ERICH3: variants seen among roughly 807,000 people sequenced by gnomAD.
ERICH3 encodes the protein glutamate-rich protein 3.
In ERICH3, 126 loss-of-function variants were observed where a neutral mutation model predicts 131.1. The observed-to-expected ratio is 0.96, with a 90% confidence interval of 0.83 to 1.11. The LOEUF (loss-of-function observed/expected upper bound fraction) is 1.11. ERICH3 is among the 50% of genes most tolerant of loss of function. ERICH3 has a pLI of 0.00. For missense variants in ERICH3, 2,050 were observed against 1,810.7 expected (o/e 1.13, Z -2.40); for synonymous variants, 695 against 644.6 (o/e 1.08, Z -1.18).
intron 13 of ERICH3, among the ~76,000 whole-genome samples, chr1:74,576,666 G>A (rs1394772188): frequency 6.6e-6 from 1 of 152,120 alleles, no homozygotes; most frequent in Non-Finnish European, 1.5e-5. Context: ...AGTGCTTGAT[G>A]ACAATTACTA....
intron 1 of ERICH3, among the ~76,000 whole-genome samples, chr1:74,668,812 T>C (rs1382682769): frequency 6.6e-6 from 1 of 152,172 alleles, no homozygotes; most frequent in Non-Finnish European, 1.5e-5. Flanking sequence ...TTTGTTAATA[T>C]TTAACAGGAG....
At chr1:74,618,853 G>A (rs930109087) in intron 8 of ERICH3, among the ~76,000 whole-genome samples, 6 of 152,182 alleles carry the variant, frequency 3.9e-5, no homozygotes, top group African/African-American at 9.7e-5. Context: ...CAAGCACAAT[G>A]TTAAATGCTC....
chr1:74,594,267 A>T (rs1203845517), intron 11 of ERICH3, among the ~76,000 whole-genome samples: 1 of 142,676 alleles, frequency 7.0e-6, no homozygotes, highest in Non-Finnish European at 1.5e-5. Flanking sequence ...ACTCACAAAA[A>T]TGGGGCGTGT....
chr1:74,589,772 C>T lies in ERICH3; in HGVS notation c.2035G>A (p.Glu679Lys). The change falls in exon 12 of 15, where the codon GAG (glutamate) becomes AAG (lysine). Residue 679 changes from glutamate (E) to lysine (K), a missense_variant. Transcript: ENST00000326665. ...LKEGTEKGTQ[E>K]IAEGLSEKSG... ...TTCTCAGATAAACCCTCTGCAATCT[C>T]TTGGGTTCCTTTCTCCGTTCCTTCT... The T allele has an allele frequency of 1.9e-6, 3 of 1,614,128 alleles. No individual in the cohort carries two copies. The highest frequency in any genetic ancestry group is 2.2e-5 in the East Asian group (1 of 44,880).
chr1:74,631,173 C>T (rs1399712299), intron 7 of ERICH3, among the ~76,000 whole-genome samples: 4 of 151,942 alleles, frequency 2.6e-5, no homozygotes, highest in South Asian at 2.1e-4. Context: ...AGATATTTTG[C>T]CTTCTTACTA....
At chr1:74,584,069 T>G (rs1485614936) in intron 12 of ERICH3, among the ~76,000 whole-genome samples, 2 of 152,168 alleles carry the variant, frequency 1.3e-5, no homozygotes, top group Non-Finnish European at 2.9e-5. Context: ...CTTTCATCAT[T>G]CTTTGTGTAG....
In ERICH3 at chr1:74,571,801, A is replaced by T; in HGVS notation, c.3909T>A (p.Thr1303=). 6.2e-7 allele frequency: 1 copy of T among 1,613,566 alleles called. No individual in the cohort carries two copies. The highest frequency in any genetic ancestry group is 8.5e-7 in the Non-Finnish European group (1 of 1,179,970). The change falls in exon 14 of 15, where the codon ACT becomes ACA. Residue 1303 remains threonine, a synonymous_variant. Transcript: ENST00000326665. ...DPEEEEDKEC[T]LETEAMQDRN... is the part of the protein sequence containing the mutation. The stretch of plus-strand genomic sequence containing the variant: ...TGTCCTGCATCGCTTCTGTCTCCAG[A>T]GTGCACTCTTTGTCCTCTTCCTCCT...
intron 7 of ERICH3, among the ~76,000 whole-genome samples, chr1:74,627,143 A>C (rs1649445563): frequency 1.3e-5 from 2 of 152,274 alleles, no homozygotes; most frequent in South Asian, 4.1e-4. Flanking sequence ...CCACTGAGAC[A>C]ATTTTACTCG....
chr1:74,617,300 A>G (rs1245297842), intron 8 of ERICH3, among the ~76,000 whole-genome samples: 1 of 152,160 alleles, frequency 6.6e-6, no homozygotes, highest in Non-Finnish European at 1.5e-5. Flanking sequence ...AACAATCAAA[A>G]GACATGTTAG....
chr1:74,646,464 G>A (rs1350814442), intron 3 of ERICH3, among the ~76,000 whole-genome samples: 1 of 152,026 alleles, frequency 6.6e-6, no homozygotes, highest in Non-Finnish European at 1.5e-5. Context: ...TGGCTACCCA[G>A]AGAGATATTG....
At chr1:74,614,676 A>T (rs1394252727) in intron 8 of ERICH3, among the ~76,000 whole-genome samples, 4 of 137,192 alleles carry the variant, frequency 2.9e-5, no homozygotes, top group African/African-American at 1.1e-4. Flanking sequence ...GACTCCGTCT[A>T]AAAAAAAAAA....
At chr1:74,666,162 G>A (rs1297414899) in intron 1 of ERICH3, among the ~76,000 whole-genome samples, 1 of 152,080 alleles carries the variant, frequency 6.6e-6, no homozygotes, top group African/African-American at 2.4e-5. Context: ...CCCAGAGCAT[G>A]GGGAAACCAT....
chr1:74,584,724 T>A (rs567921711), intron 12 of ERICH3, among the ~76,000 whole-genome samples: 1 of 152,304 alleles, frequency 6.6e-6, no homozygotes, highest in Non-Finnish European at 1.5e-5. Context: ...GGCAGGCATA[T>A]CTCTCTCCTA....
At chr1:74,596,925 T>C (rs1228579916) in intron 11 of ERICH3, among the ~76,000 whole-genome samples, 2 of 152,036 alleles carry the variant, frequency 1.3e-5, no homozygotes, top group African/African-American at 2.4e-5. Context: ...TAGCTGGCAG[T>C]TCAAATGAGG....
rs1426924961 is a variant in ERICH3, at chr1:74,646,915, C to CACACACAG, written c.118-124_118-123insCTGTGTGT. ...ACACACACACACACACACACACACA[C>CACACACAG]AGAGAGAGAAAGAGAGAGAGAGAGG... On this transcript the variant is annotated intron_variant, in intron 2 of 14. Transcript: ENST00000326665. 168 of 251,062 alleles carry CACACACAG rather than the reference C, an allele frequency of 6.7e-4. 1 individual carries two copies. Among genetic ancestry groups the CACACACAG allele is most frequent in the Admixed American group, 6.8e-4 (11 of 16,218 alleles). 15.6% of individuals were successfully genotyped at this position (251,062 alleles called of 1,614,324 possible). A position where few individuals can be genotyped will look rare whatever the true frequency, so the allele number is the denominator to read the frequency against.
intron 6 of ERICH3, among the ~76,000 whole-genome samples, chr1:74,633,387 A>T (rs1484528336): frequency 6.6e-6 from 1 of 151,860 alleles, no homozygotes; most frequent in Non-Finnish European, 1.5e-5. Context: ...GTACGTTTAT[A>T]TTGTAATAAA....
At chr1:74,648,584 T>C (rs1646504785) in intron 2 of ERICH3, among the ~76,000 whole-genome samples, 1 of 152,088 alleles carries the variant, frequency 6.6e-6, no homozygotes, top group South Asian at 2.1e-4. Context: ...ATGGCAACAA[T>C]AGTTAAGGAA....
Position 74,643,013 on chromosome 1 carries a change from A to C in ERICH3, c.315+14T>G, listed in dbSNP as rs1646449583. On this transcript the variant is annotated intron_variant, in intron 4 of 14. Transcript: ENST00000326665. ...TAATACTATGAAGTAAAAGAGAGTTATATAACTCCTTACCTTAAACCTCTG... is the reference window on the plus strand; with the variant it reads ...TAATACTATGAAGTAAAAGAGAGTTCTATAACTCCTTACCTTAAACCTCTG... The C allele has an allele frequency of 6.4e-7, 1 of 1,573,742 alleles. No homozygotes were observed.
chr1:74,634,962 C>T, intron 6 of ERICH3: 1 of 353,868 alleles, frequency 2.8e-6, no homozygotes, highest in East Asian at 4.3e-5. Context: ...TCATATATGT[C>T]TGCCTACTAG....
Sources: allele counts gnomAD v4.1 joint callset (sites outside exome capture counted in the v4.1 genomes callset), GRCh38; gene constraint gnomAD v4.1.1; transcripts MANE v1.5; gene names NCBI Gene and HGNC (gene_info 2026-07-23, HGNC 2026-07-21).